ANK2: variants seen among roughly 807,000 people sequenced by gnomAD.
ANK2 encodes ankyrin-2.
Under a neutral mutation model 360.5 loss-of-function variants are expected in ANK2, and 83 were observed. That is an observed-to-expected ratio of 0.23 (90% CI 0.19 to 0.28). ANK2 has a LOEUF of 0.28. Ranked by LOEUF, ANK2 falls within the 10% of genes least tolerant of loss-of-function variation. The pLI, the probability that ANK2 is intolerant of heterozygous loss-of-function variation, is 1.00. For synonymous variants in ANK2, 1,740 were observed against 1,759.5 expected (o/e 0.99, Z 0.28); for missense variants, 4,201 against 4,795.7 (o/e 0.88, Z 3.66).
rs906154335 is a variant in ANK2 at position 113,256,067 on chromosome 4, C to G, written c.1188+135C>G. 4.6e-6 allele frequency: 5 copies of G among 1,086,672 alleles called. No homozygotes were observed. In the African/African-American group the frequency reaches 6.2e-5, roughly 14 times the overall value. The allele number at this position is 1,086,672 out of a possible 1,614,324, so 67.3% of individuals were successfully genotyped here. A position where few individuals can be genotyped will look rare whatever the true frequency, so the allele number is the denominator to read the frequency against. The stretch of plus-strand genomic sequence containing the variant: ...ATCCTGCTAAATTTGTCATCCTTCA[C>G]AATCAGCCTGTGTACTTCATACATT... On this transcript the variant is annotated intron_variant, in intron 11 of 45. Transcript: ENST00000357077.
intron 1 of ANK2, among the ~76,000 whole-genome samples, chr4:112,850,534 T>TTTTTTTTTTTTTTTTTTTTTTTTA: frequency 1.1e-5 from 1 of 93,168 alleles, no homozygotes; most frequent in African/African-American, 4.5e-5. Flanking sequence ...TTTTTTTTTT[T>TTTTTTTTTTTTTTTTTTTTTTTTA]GAGACAGAGT....
chr4:112,925,941 T>G (rs2092483534), intron 2 of ANK2, among the ~76,000 whole-genome samples: 1 of 152,234 alleles, frequency 6.6e-6, no homozygotes, highest in African/African-American at 2.4e-5. Flanking sequence ...ATTAATAGTT[T>G]GTGTTCTAGA....
At chr4:112,966,631 T>C (rs1399664279) in intron 2 of ANK2, among the ~76,000 whole-genome samples, 1 of 152,138 alleles carries the variant, frequency 6.6e-6, no homozygotes, top group Non-Finnish European at 1.5e-5. Context: ...ATGGTGAACA[T>C]TTTTGTACCT....
intron 1 of ANK2, among the ~76,000 whole-genome samples, chr4:113,080,678 T>C (rs2082049694): frequency 6.6e-6 from 1 of 152,240 alleles, no homozygotes; most frequent in Admixed American, 6.5e-5. Flanking sequence ...CATTCATTCC[T>C]GGCATGGCCT....
intron 1 of ANK2, among the ~76,000 whole-genome samples, chr4:113,096,037 T>C (rs625383): frequency 0.027 from 4,142 of 152,280 alleles, 132 homozygotes; most frequent in East Asian, 0.1. Flanking sequence ...CAAAGTAGTG[T>C]AGCTGTGCTC....
At chr4:112,907,365 G>A (rs558148969) in intron 2 of ANK2, among the ~76,000 whole-genome samples, 1 of 152,252 alleles carries the variant, frequency 6.6e-6, no homozygotes, top group Admixed American at 6.5e-5. Flanking sequence ...TTTAGTTCAG[G>A]TACTTAAATT....
At chr4:113,334,463 GACCC>G (rs2093135280) in intron 29 of ANK2, among the ~76,000 whole-genome samples, 1 of 151,886 alleles carries the variant, frequency 6.6e-6, no homozygotes. Context: ...CTTGGATGGG[GACCC>G]ACTCTTTAAC....
At chr4:112,948,576 T>C (rs1430191811) in intron 2 of ANK2, among the ~76,000 whole-genome samples, 2 of 152,204 alleles carry the variant, frequency 1.3e-5, no homozygotes, top group Admixed American at 6.5e-5. Flanking sequence ...AGAAAACTTT[T>C]TATTTTCCCT....
At chr4:112,815,437 G>A (rs772596702), upstream of ANK2, among the ~76,000 whole-genome samples, 4 of 152,016 alleles carry the variant, frequency 2.6e-5, no homozygotes, top group East Asian at 1.9e-4. Flanking sequence ...AGTTTCTGAC[G>A]CAGAGCTCAT....
At chr4:112,948,420 A>G (rs942021687) in intron 2 of ANK2, among the ~76,000 whole-genome samples, 7 of 152,152 alleles carry the variant, frequency 4.6e-5, no homozygotes, top group African/African-American at 1.7e-4. Context: ...TGGATAATGA[A>G]AAGTAACAGA....
chr4:113,062,176 A>C (rs867906641), intron 1 of ANK2, among the ~76,000 whole-genome samples: 3 of 152,148 alleles, frequency 2.0e-5, no homozygotes, highest in Non-Finnish European at 4.4e-5. Flanking sequence ...ATTTCCAAAC[A>C]TTCAAACAGG....
At chr4:113,320,105 G>A (rs1391620086) in intron 26 of ANK2, among the ~76,000 whole-genome samples, 1 of 152,050 alleles carries the variant, frequency 6.6e-6, no homozygotes, top group Non-Finnish European at 1.5e-5. Flanking sequence ...TTACTGAAGG[G>A]CAGTAAAGTA....
At chr4:113,085,510 T>C (rs2084230249) in intron 1 of ANK2, among the ~76,000 whole-genome samples, 1 of 152,018 alleles carries the variant, frequency 6.6e-6, no homozygotes, top group Non-Finnish European at 1.5e-5. Context: ...GGTTTCACTG[T>C]GTTAGCTAGG....
chr4:113,314,274 T>C (rs1345138541), intron 24 of ANK2, among the ~76,000 whole-genome samples: 17 of 152,182 alleles, frequency 1.1e-4, no homozygotes, highest in Admixed American at 1.1e-3. Flanking sequence ...TAAAGCAAAT[T>C]TATTGAAAAT....
At chr4:112,747,574 A>G in the ANK2 span, among the ~76,000 whole-genome samples, 1 of 152,218 alleles carries the variant, frequency 6.6e-6, no homozygotes, top group Admixed American at 6.5e-5. Context: ...ATGTGAAAGC[A>G]CTACATTTAA....
At chr4:113,372,017 CT>C (rs938423565) in intron 43 of ANK2, among the ~76,000 whole-genome samples, 69 of 152,188 alleles carry the variant, frequency 4.5e-4, no homozygotes, top group African/African-American at 1.6e-3. Flanking sequence ...CATAGTCTAC[CT>C]TTTTTTGATG....
chr4:113,118,734 C>T (rs1185507324), intron 1 of ANK2, among the ~76,000 whole-genome samples: 2 of 152,106 alleles, frequency 1.3e-5, no homozygotes, highest in Non-Finnish European at 2.9e-5. Flanking sequence ...TTGTGGAGGT[C>T]GACTTCCTTC....
chr4:113,374,574 TAC>T (rs1411575732), intron 45 of ANK2, among the ~76,000 whole-genome samples: 1 of 152,260 alleles, frequency 6.6e-6, no homozygotes, highest in East Asian at 1.9e-4. Flanking sequence ...GTTGTGGAGA[TAC>T]AGTCATGATG....
intron 1 of ANK2, among the ~76,000 whole-genome samples, chr4:112,853,798 G>A (rs1376130972): frequency 2.0e-5 from 3 of 152,168 alleles, no homozygotes; most frequent in African/African-American, 7.2e-5. Context: ...AATTGGAAAT[G>A]TTTCTTAATT....
Sources: gnomAD v4.1 joint callset for allele counts (sites outside exome capture counted in the v4.1 genomes callset) on GRCh38, gnomAD v4.1.1 for gene constraint, MANE v1.5 for transcripts, NCBI Gene and HGNC (gene_info 2026-07-23, HGNC 2026-07-21) for gene names.